The following ARHGAP23 variants were observed in gnomAD, a reference collection of about 807,000 sequenced individuals.
ARHGAP23 encodes rho GTPase-activating protein 23.
ARHGAP23 carries 34 observed loss-of-function variants against 136.3 expected under a neutral mutation model. The observed-to-expected ratio is 0.25, with a 90% CI of 0.19 to 0.33. The LOEUF (loss-of-function observed/expected upper bound fraction) is 0.33, where lower values mean the gene tolerates loss of function less well. Ranked by LOEUF, ARHGAP23 falls within the 10% of genes least tolerant of loss-of-function variation. The pLI is 1.00. For missense variants in ARHGAP23, 1,808 were observed against 2,139.0 expected (o/e 0.85, Z 3.05); for synonymous variants, 832 against 920.5 (o/e 0.90, Z 1.74).
At position 38,435,505 on chromosome 17, in the gene ARHGAP23, G is replaced by A. The variant is rs138001387; in HGVS notation, c.63+6957G>A. Among the ~76,000 whole-genome samples the A allele has an allele frequency of 7.2e-5, 11 of 152,332 alleles. No homozygotes were observed. In the East Asian group the frequency reaches 1.9e-3, roughly 27 times the overall value. On this transcript the variant is annotated intron_variant, in intron 1 of 23. Transcript: ENST00000622683. ...ACAGGGGAGCCTTTGGCAGCCCAAGGGAGAACCTTGCCCCCGAATCTGATG... is the reference window on the plus strand; with the variant it reads ...ACAGGGGAGCCTTTGGCAGCCCAAGAGAGAACCTTGCCCCCGAATCTGATG...
At chr17:38,481,590 G>A (rs2040043667) in intron 14 of ARHGAP23, among the ~76,000 whole-genome samples, 1 of 152,190 alleles carries the variant, frequency 6.6e-6, no homozygotes, top group African/African-American at 2.4e-5. Flanking sequence ...ACTGTGCTTG[G>A]CAAAAAAAAT....
chr17:38,505,418 C>T (rs2040612658), intron 23 of ARHGAP23, among the ~76,000 whole-genome samples: 1 of 152,086 alleles, frequency 6.6e-6, no homozygotes, highest in Non-Finnish European at 1.5e-5. Context: ...AATCCCCGAG[C>T]ACCCCCACTG....
At chr17:38,450,191 C>T (rs1336075640) in intron 1 of ARHGAP23, among the ~76,000 whole-genome samples, 1 of 152,146 alleles carries the variant, frequency 6.6e-6, no homozygotes, top group Non-Finnish European at 1.5e-5. Context: ...CTTGGGGATC[C>T]CTAAAGGTTT....
intron 1 of ARHGAP23, among the ~76,000 whole-genome samples, chr17:38,428,998 G>A (rs1373908528): frequency 6.6e-6 from 1 of 152,158 alleles, no homozygotes; most frequent in Non-Finnish European, 1.5e-5. Context: ...TTCCCGGAGC[G>A]GGACGTCCTC....
At chr17:38,498,915 C>A in intron 22 of ARHGAP23, 1 of 698,610 alleles carries the variant, frequency 1.4e-6, no homozygotes, top group East Asian at 2.7e-5. Flanking sequence ...TCTTCTCCTC[C>A]CCCTCCCCTC....
Position 38,511,047 on chromosome 17 carries a change from C to CA in ARHGAP23, c.*76dup. 1 of 1,340,860 alleles carries CA rather than the reference C, an allele frequency of 7.5e-7. No homozygotes were observed. The highest frequency in any genetic ancestry group is 9.6e-7 in the Non-Finnish European group (1 of 1,042,668). 83.1% of individuals were successfully genotyped at this position (1,340,860 alleles called of 1,614,324 possible). A position where few individuals can be genotyped will look rare whatever the true frequency, so the allele number is the denominator to read the frequency against. ...GGAACCAGGAGGCTTCACCAGCCTGCACCTCCTCTTCTGTGGCCCCTGGGT... is the reference window on the plus strand; with the variant it reads ...GGAACCAGGAGGCTTCACCAGCCTGCAACCTCCTCTTCTGTGGCCCCTGGGT... On this transcript the variant is annotated 3_prime_UTR_variant, in exon 24 of 24. Transcript: ENST00000622683.
Position 38,510,449 on chromosome 17 carries a change from T to G in ARHGAP23, c.3953T>G (p.Leu1318Arg). The change falls in exon 24 of 24, where the codon CTG (leucine) becomes CGG (arginine). Residue 1318 changes from leucine (L) to arginine (R), a missense_variant. Physicochemically the swap from Leu to Arg is moderately radical, Grantham distance 102. Transcript: ENST00000622683. This position sits in a 1 kb window ranked among gnomAD's most constrained non-coding sequence, Gnocchi z 4.6. ...SSHHLMPCDT[L>R]ARRRLARGRP... Reference sequence around the variant, plus strand: ...CACCACCTCATGCCCTGCGACACTCTGGCGCGCCGCCGCCTGGCCCGGGGC... The same window carrying G: ...CACCACCTCATGCCCTGCGACACTCGGGCGCGCCGCCGCCTGGCCCGGGGC... 8.2e-7 allele frequency: 1 copy of G among 1,212,436 alleles called. No individual in the cohort carries two copies. The highest frequency in any genetic ancestry group is 1.6e-5 in the African/African-American group (1 of 63,142). The allele number at this position is 1,212,436 out of a possible 1,614,324, so 75.1% of individuals were successfully genotyped here.
upstream of ARHGAP23, chr17:38,428,386 C>CCT: frequency 2.4e-6 from 1 of 423,466 alleles, no homozygotes; most frequent in Non-Finnish European, 3.7e-6. Flanking sequence ...GGGGGGGGCC[C>CCT]CCCCACACCG....
At chr17:38,425,059 C>T (rs1361199094), upstream of ARHGAP23, among the ~76,000 whole-genome samples, 1 of 152,180 alleles carries the variant, frequency 6.6e-6, no homozygotes, top group Non-Finnish European at 1.5e-5. Context: ...TGCTTGCCGC[C>T]CTCCATTCCT....
chr17:38,441,016 A>G (rs2038908137), intron 1 of ARHGAP23, among the ~76,000 whole-genome samples: 1 of 152,202 alleles, frequency 6.6e-6, no homozygotes, highest in Admixed American at 6.5e-5. Context: ...AAGCCTGGGA[A>G]ATGCAGCTGC....
At chr17:38,469,417 G>A in intron 8 of ARHGAP23, 107 bp from the exon 9 acceptor site, 2 of 1,464,114 alleles carry the variant, frequency 1.4e-6, no homozygotes, top group Non-Finnish European at 1.8e-6. Flanking sequence ...TTCTCCTGCG[G>A]CCCCTTGGGA....
At position 38,511,073 on chromosome 17, in the gene ARHGAP23, G is replaced by A. The variant is rs2040755720; in HGVS notation, c.*101G>A. On this transcript the variant is annotated 3_prime_UTR_variant, in exon 24 of 24. Coordinates refer to ENST00000622683, the MANE Select transcript of ARHGAP23 (RefSeq NM_001199417.2). ...ACCTCCTCTTCTGTGGCCCCTGGGT[G>A]CATGGTGTGGGTGGAGGGCGCAGCA... 5.7e-6 allele frequency: 7 copies of A among 1,236,202 alleles called. No homozygotes were observed. Among genetic ancestry groups the A allele is most frequent in the Non-Finnish European group, 6.3e-6 (6 of 952,510 alleles). 76.6% of individuals were successfully genotyped at this position (1,236,202 alleles called of 1,614,324 possible). A position where few individuals can be genotyped will look rare whatever the true frequency, so the allele number is the denominator to read the frequency against.
chr17:38,471,217 T>C (rs1702711707), intron 10 of ARHGAP23, among the ~76,000 whole-genome samples: 1 of 152,216 alleles, frequency 6.6e-6, no homozygotes, highest in South Asian at 2.1e-4. Context: ...CTTCCCAAAG[T>C]GCTGGGATTA....
At chr17:38,448,018 C>T (rs1217558571) in intron 1 of ARHGAP23, among the ~76,000 whole-genome samples, 1 of 152,194 alleles carries the variant, frequency 6.6e-6, no homozygotes, top group Non-Finnish European at 1.5e-5. Flanking sequence ...CAGCCTGGCA[C>T]CTTTGCCATG....
At chr17:38,427,212 C>T (rs1159622209), upstream of ARHGAP23, among the ~76,000 whole-genome samples, 1 of 152,198 alleles carries the variant, frequency 6.6e-6, no homozygotes, top group Non-Finnish European at 1.5e-5. Context: ...CCTATAATCC[C>T]AGCACTTTGG....
chr17:38,472,611 T>A (rs529654009), intron 11 of ARHGAP23, among the ~76,000 whole-genome samples: 2 of 152,168 alleles, frequency 1.3e-5, no homozygotes, highest in Admixed American at 6.5e-5. Flanking sequence ...CCAGCAGGAC[T>A]CTGAGAGGAG....
At chr17:38,482,912 C>T (rs931065164) in intron 16 of ARHGAP23, among the ~76,000 whole-genome samples, 6 of 152,156 alleles carry the variant, frequency 3.9e-5, no homozygotes, top group Non-Finnish European at 7.3e-5. Flanking sequence ...GCCTGGGGAG[C>T]TCTGAGGCAG....
chr17:38,424,459 G>A (rs532632046), upstream of ARHGAP23, among the ~76,000 whole-genome samples: 4 of 152,046 alleles, frequency 2.6e-5, no homozygotes, highest in South Asian at 2.1e-4. Flanking sequence ...ACTGGCCCCC[G>A]AGGCTGTTGT....
At chr17:38,442,439 C>A (rs149428427) in intron 1 of ARHGAP23, among the ~76,000 whole-genome samples, 109 of 152,348 alleles carry the variant, frequency 7.2e-4, no homozygotes, top group Non-Finnish European at 1.3e-3. Context: ...GTGTGCAGAG[C>A]ACCCACCCTG....
Sources: gnomAD v4.1 joint callset for allele counts (sites outside exome capture counted in the v4.1 genomes callset) on GRCh38, gnomAD v4.1.1 for gene constraint, Gnocchi (gnomAD v3.1) non-coding constraint, MANE v1.5 for transcripts, NCBI Gene and HGNC (gene_info 2026-07-23, HGNC 2026-07-21) for gene names.